Variants in TMTC2 observed in about 807,000 individuals in gnomAD.
The protein encoded by TMTC2 is protein O-mannosyl-transferase TMTC2.
A neutral mutation model predicts 82.4 loss-of-function variants in TMTC2; 43 were observed. That is an observed-to-expected ratio of 0.52 (90% CI 0.41 to 0.67). TMTC2 has a LOEUF of 0.67. TMTC2 is among the 30% of genes least tolerant of loss of function. The pLI is 0.00. For synonymous variants in TMTC2, 408 were observed against 381.9 expected (o/e 1.07, Z -0.80); for missense variants, 919 against 1,012.4 (o/e 0.91, Z 1.25).
At chr12:82,776,394 CTG>C (rs1439754760) in intron 1 of TMTC2, among the ~76,000 whole-genome samples, 5 of 152,094 alleles carry the variant, frequency 3.3e-5, no homozygotes, top group Non-Finnish European at 7.4e-5. Context: ...TTGAGATTAC[CTG>C]TGCATTTTAT....
At chr12:82,884,013 C>T (rs1364073379) in intron 2 of TMTC2, among the ~76,000 whole-genome samples, 5 of 152,148 alleles carry the variant, frequency 3.3e-5, no homozygotes, top group Admixed American at 3.3e-4. Flanking sequence ...AGGGTTAAAC[C>T]TCTCATTCTA....
chr12:82,700,342 G>C (rs1873017330), intron 1 of TMTC2, among the ~76,000 whole-genome samples: 1 of 152,054 alleles, frequency 6.6e-6, no homozygotes, highest in South Asian at 2.1e-4. Context: ...ATTCATTAAT[G>C]GTATTGTTGA....
At chr12:82,746,276 A>C (rs566799368) in intron 1 of TMTC2, among the ~76,000 whole-genome samples, 2 of 152,318 alleles carry the variant, frequency 1.3e-5, no homozygotes, top group Non-Finnish European at 2.9e-5. Flanking sequence ...TAACATCAAC[A>C]TCTTGTCCAT....
chr12:82,815,548 A>G lies in TMTC2; in HGVS notation c.84-41462A>G, dbSNP rs375920496. On this transcript the variant is annotated intron_variant, in intron 1 of 11. Coordinates refer to ENST00000321196, the MANE Select transcript of TMTC2 (RefSeq NM_152588.3). Reference sequence around the variant, plus strand: ...AGGATGGTCTGGACCTCCTGCCCTCATGATCCGCCCACTTCGGCCTCCCAA... The same window carrying G: ...AGGATGGTCTGGACCTCCTGCCCTCGTGATCCGCCCACTTCGGCCTCCCAA... 1.1e-4 allele frequency among the ~76,000 whole-genome samples: 17 copies of G among 152,066 alleles called. No individual in the cohort carries two copies. In the East Asian group the frequency reaches 2.9e-3, roughly 26 times the overall value.
intron 1 of TMTC2, among the ~76,000 whole-genome samples, chr12:82,742,066 A>G (rs1003284257): frequency 6.6e-6 from 1 of 152,102 alleles, no homozygotes; most frequent in Non-Finnish European, 1.5e-5. Flanking sequence ...TTCTAGGTCC[A>G]CTGCGTACCA....
At chr12:82,707,221 T>C (rs1360866475) in intron 1 of TMTC2, among the ~76,000 whole-genome samples, 1 of 152,150 alleles carries the variant, frequency 6.6e-6, no homozygotes, top group Non-Finnish European at 1.5e-5. Flanking sequence ...GTGGCTTTCT[T>C]TTTGCTGTGT....
At chr12:82,739,243 A>G (rs1403512723) in intron 1 of TMTC2, among the ~76,000 whole-genome samples, 2 of 152,162 alleles carry the variant, frequency 1.3e-5, no homozygotes, top group African/African-American at 4.8e-5. Flanking sequence ...CATACTGCCA[A>G]ACATTTTAAA....
At chr12:82,919,809 T>C (rs538366610) in intron 3 of TMTC2, among the ~76,000 whole-genome samples, 3 of 152,190 alleles carry the variant, frequency 2.0e-5, no homozygotes, top group Non-Finnish European at 2.9e-5. Flanking sequence ...CACACTGATA[T>C]AGGGGTTGGG....
At chr12:82,851,883 T>C (rs1454639449) in intron 1 of TMTC2, among the ~76,000 whole-genome samples, 2 of 151,282 alleles carry the variant, frequency 1.3e-5, no homozygotes, top group African/African-American at 4.9e-5. Context: ...TGGGTGCTTA[T>C]GACTGAAAAG....
At chr12:82,778,006 T>C (rs896854937) in intron 1 of TMTC2, among the ~76,000 whole-genome samples, 3 of 152,150 alleles carry the variant, frequency 2.0e-5, no homozygotes, top group African/African-American at 7.2e-5. Flanking sequence ...GGGTATATTA[T>C]GAAACATTTT....
chr12:82,832,767 C>A (rs1033730920), intron 1 of TMTC2, among the ~76,000 whole-genome samples: 1 of 152,080 alleles, frequency 6.6e-6, no homozygotes, highest in African/African-American at 2.4e-5. Flanking sequence ...TGAATTATAC[C>A]CTTAACTTAA....
chr12:83,000,692 G>A (rs893083445), intron 8 of TMTC2, among the ~76,000 whole-genome samples: 3 of 152,152 alleles, frequency 2.0e-5, no homozygotes, highest in Admixed American at 6.5e-5. Context: ...ACAGCTCCCG[G>A]TGGAGCCCCA....
At position 82,719,659 on chromosome 12, in the gene TMTC2, A is replaced by G. The variant is rs893992600; in HGVS notation, c.83+31990A>G. Among the ~76,000 whole-genome samples the G allele has an allele frequency of 8.5e-5, 11 of 130,106 alleles. No homozygotes were observed. The South Asian group carries it at 1.0e-3, about 12-fold the overall frequency. 85.4% of individuals were successfully genotyped at this position (130,106 alleles called of 152,430 possible). On this transcript the variant is annotated intron_variant, in intron 1 of 11. Transcript: ENST00000321196. ...TGCCTGATTGAGGAAACATGATTCT[A>G]TGTCTCTCTGTCTTTTTTTTTTTTT...
At chr12:83,038,688 A>G (rs2137435740) in intron 9 of TMTC2, among the ~76,000 whole-genome samples, 1 of 152,282 alleles carries the variant, frequency 6.6e-6, no homozygotes, top group South Asian at 2.1e-4. Flanking sequence ...TGAAAAAAAT[A>G]AAAATTATAC....
At chr12:82,858,640 A>C (rs1871376755) in intron 2 of TMTC2, among the ~76,000 whole-genome samples, 1 of 151,250 alleles carries the variant, frequency 6.6e-6, no homozygotes. Flanking sequence ...AATTTTTTTA[A>C]ATGCCCTTTT....
At position 82,857,505 on chromosome 12, in the gene TMTC2, C is replaced by T. The variant is rs775325450; in HGVS notation, c.579C>T (p.Leu193=). 23 of 1,614,042 alleles carry T rather than the reference C, an allele frequency of 1.4e-5. No homozygotes were observed. The highest frequency in any genetic ancestry group is 3.3e-5 in the Admixed American group (2 of 59,996). The part of the protein sequence containing the change: ...MLWKEQGVTV[L]AVSAVYDVFV... ...GGAAGGAACAAGGAGTGACTGTTCT[C>T]GCAGTTTCAGCAGTTTATGATGTCT... Residue 193 remains leucine (L), a synonymous_variant, in exon 2 of 12, where the codon CTC becomes CTT. Transcript: ENST00000321196.
At chr12:82,729,709 A>C (rs1033092953) in intron 1 of TMTC2, among the ~76,000 whole-genome samples, 3 of 152,244 alleles carry the variant, frequency 2.0e-5, no homozygotes, top group Admixed American at 2.0e-4. Context: ...GTGGGGCCAG[A>C]TAGAATAAAA....
intron 1 of TMTC2, among the ~76,000 whole-genome samples, chr12:82,769,679 C>T (rs1053712917): frequency 2.0e-5 from 3 of 152,116 alleles, no homozygotes; most frequent in East Asian, 1.9e-4. Flanking sequence ...GGCGCCATCT[C>T]GGCTCACTGT....
intron 3 of TMTC2, among the ~76,000 whole-genome samples, chr12:82,928,775 T>C (rs1286564116): frequency 6.6e-6 from 1 of 152,188 alleles, no homozygotes; most frequent in South Asian, 2.1e-4. Flanking sequence ...TGAGATGATA[T>C]ATGTCAAGTG....
Sources: gnomAD v4.1 joint callset for allele counts (sites outside exome capture counted in the v4.1 genomes callset) on GRCh38, gnomAD v4.1.1 for gene constraint, MANE v1.5 for transcripts, NCBI Gene and HGNC (gene_info 2026-07-23, HGNC 2026-07-21) for gene names.